The following HS3ST3A1 variants were observed in gnomAD, a reference collection of about 807,000 sequenced individuals.
HS3ST3A1 encodes heparan sulfate-glucosamine 3-sulfotransferase 3A1.
In HS3ST3A1, 19 loss-of-function variants were observed where a neutral mutation model predicts 25.7. The observed-to-expected ratio is 0.74, with a 90% CI of 0.52 to 1.08. The LOEUF (loss-of-function observed/expected upper bound fraction) is 1.08. Ranked by LOEUF, HS3ST3A1 falls within the 50% of genes least tolerant of loss-of-function variation. The pLI is 0.00. For synonymous variants in HS3ST3A1, 226 were observed against 278.6 expected (o/e 0.81, Z 1.88); for missense variants, 459 against 594.3 (o/e 0.77, Z 2.37).
In HS3ST3A1 at chr17:13,501,905, C is replaced by T. The variant is rs116570868; in HGVS notation, c.600-5087G>A. On this transcript the variant is annotated intron_variant, in intron 1 of 1. Coordinates refer to ENST00000284110, the MANE Select transcript of HS3ST3A1 (RefSeq NM_006042.3). ...ACAGTGAGGATGCCTGGTTTGAAGG[C>T]CATGAGCTGGCTACATTATTTGGAA... Among the ~76,000 whole-genome samples, 830 of 152,302 alleles carry T rather than the reference C, an allele frequency of 5.4e-3. 8 individuals carry two copies. The highest frequency in any genetic ancestry group is 0.019 in the African/African-American group (790 of 41,568).
intron 1 of HS3ST3A1, among the ~76,000 whole-genome samples, chr17:13,600,107 CTG>C (rs1402422272): frequency 2.0e-5 from 3 of 152,164 alleles, no homozygotes; most frequent in Non-Finnish European, 2.9e-5. Context: ...ATGGTAAAGA[CTG>C]TGTTAACCAC....
chr17:13,496,925 C>A, intron 1 of HS3ST3A1, 107 bp from the exon 2 acceptor site: 1 of 1,458,526 alleles, frequency 6.9e-7, no homozygotes, highest in Non-Finnish European at 9.2e-7. Flanking sequence ...CCCCCGCAAC[C>A]CCCCACTTGC....
chr17:13,513,469 A>G (rs1301781865), intron 1 of HS3ST3A1, among the ~76,000 whole-genome samples: 1 of 152,222 alleles, frequency 6.6e-6, no homozygotes, highest in Non-Finnish European at 1.5e-5. Context: ...ATTCCCAGAG[A>G]AGCACAAAAT....
intron 1 of HS3ST3A1, among the ~76,000 whole-genome samples, chr17:13,580,184 G>A (rs1908075186): frequency 6.6e-6 from 1 of 151,334 alleles, no homozygotes; most frequent in South Asian, 2.1e-4. Context: ...AAAAACCACA[G>A]GACTTAGAGG....
intron 1 of HS3ST3A1, among the ~76,000 whole-genome samples, chr17:13,520,200 A>T (rs1434580243): frequency 6.6e-6 from 1 of 152,184 alleles, no homozygotes; most frequent in Non-Finnish European, 1.5e-5. Flanking sequence ...TGTTATTGCT[A>T]TTGACACTCT....
chr17:13,582,890 C>T (rs969752255), intron 1 of HS3ST3A1, among the ~76,000 whole-genome samples: 1 of 152,146 alleles, frequency 6.6e-6, no homozygotes, highest in Non-Finnish European at 1.5e-5. Context: ...TGTAAGTAGC[C>T]TGCACAGTTC....
intron 1 of HS3ST3A1, among the ~76,000 whole-genome samples, chr17:13,579,543 A>C (rs1202294199): frequency 6.6e-6 from 1 of 151,114 alleles, no homozygotes; most frequent in African/African-American, 2.4e-5. Context: ...TCTACTAAAA[A>C]ATACAAAAAC....
intron 1 of HS3ST3A1, among the ~76,000 whole-genome samples, chr17:13,591,050 T>TTTC (rs1226269527): frequency 5.0e-5 from 7 of 140,988 alleles, no homozygotes; most frequent in African/African-American, 1.7e-4. Flanking sequence ...TTTCTTTTCT[T>TTTC]TTTTTTTTTT....
intron 1 of HS3ST3A1, among the ~76,000 whole-genome samples, chr17:13,498,957 T>TG (rs397711976): frequency 9.9e-5 from 15 of 151,272 alleles, no homozygotes; most frequent in African/African-American, 3.4e-4. Flanking sequence ...TTTTTTTTTT[T>TG]GGGTGGGGGG....
At chr17:13,528,655 AC>A (rs995009431) in intron 1 of HS3ST3A1, among the ~76,000 whole-genome samples, 15 of 152,086 alleles carry the variant, frequency 9.9e-5, no homozygotes, top group Non-Finnish European at 1.8e-4. Flanking sequence ...TTCCTGGAGA[AC>A]CCCCATGGTG....
At chr17:13,561,677 C>T (rs917369405) in intron 1 of HS3ST3A1, among the ~76,000 whole-genome samples, 5 of 152,232 alleles carry the variant, frequency 3.3e-5, no homozygotes, top group African/African-American at 1.2e-4. Context: ...CAGGGGTGAG[C>T]CACTGGACCT....
intron 1 of HS3ST3A1, among the ~76,000 whole-genome samples, chr17:13,512,324 A>AG (rs1188480832): frequency 6.6e-6 from 1 of 150,526 alleles, no homozygotes; most frequent in African/African-American, 2.5e-5. Flanking sequence ...AAAAAAAAAA[A>AG]AAACTGCATG....
At chr17:13,519,275 C>T (rs892650865) in intron 1 of HS3ST3A1, among the ~76,000 whole-genome samples, 2 of 152,232 alleles carry the variant, frequency 1.3e-5, no homozygotes, top group African/African-American at 4.8e-5. Context: ...TGAATGGTTA[C>T]AGAACTAACG....
At chr17:13,506,288 C>T (rs1275631433) in intron 1 of HS3ST3A1, among the ~76,000 whole-genome samples, 1 of 152,102 alleles carries the variant, frequency 6.6e-6, no homozygotes, top group Non-Finnish European at 1.5e-5. Context: ...TTGGGCAAAT[C>T]ACTTTCGTTC....
rs577424949 is a variant in HS3ST3A1, at chr17:13,585,910, C to T, written c.599+14621G>A. On this transcript the variant is annotated intron_variant, in intron 1 of 1. Transcript: ENST00000284110. ...TGTCGCCCAGGCTGGAGTACAGTGG[C>T]GCAATCTCGGCTCACTGCAACCTCT... 7.7e-4 allele frequency among the ~76,000 whole-genome samples: 103 copies of T among 133,136 alleles called. 1 individual carries two copies. Among genetic ancestry groups the T allele is most frequent in the African/African-American group, 2.5e-3 (86 of 34,452 alleles). 87.3% of individuals were successfully genotyped at this position (133,136 alleles called of 152,430 possible).
At chr17:13,533,232 G>T (rs1252884919) in intron 1 of HS3ST3A1, among the ~76,000 whole-genome samples, 1 of 152,094 alleles carries the variant, frequency 6.6e-6, no homozygotes, top group African/African-American at 2.4e-5. Flanking sequence ...GGCATGCACT[G>T]CTGAATAGTA....
At chr17:13,512,155 CG>C (rs1213560636) in intron 1 of HS3ST3A1, among the ~76,000 whole-genome samples, 1 of 151,750 alleles carries the variant, frequency 6.6e-6, no homozygotes, top group Non-Finnish European at 1.5e-5. Flanking sequence ...AAAAATTAGC[CG>C]GGCGCGGTGG....
intron 1 of HS3ST3A1, among the ~76,000 whole-genome samples, chr17:13,565,310 G>A (rs1326191190): frequency 6.6e-6 from 1 of 152,128 alleles, no homozygotes; most frequent in Admixed American, 6.5e-5. Context: ...GGCCAAGGCA[G>A]GCAGATCACC....
rs958583882 is a variant in HS3ST3A1 at position 13,506,901 on chromosome 17, CAAAA to C, written c.600-10087_600-10084del. The stretch of plus-strand genomic sequence containing the variant: ...CTGTAACCCTGTCTCTACTAAAATA[CAAAA>C]AAAAAAAAAAAAAATTAGCCAGGCC... On this transcript the variant is annotated intron_variant, in intron 1 of 1. Transcript: ENST00000284110. 1.6e-4 allele frequency among the ~76,000 whole-genome samples: 16 copies of C among 101,240 alleles called. No individual in the cohort carries two copies. In the Admixed American group the frequency reaches 1.6e-3, roughly 10 times the overall value. The allele number at this position is 101,240 out of a possible 152,430, so 66.4% of individuals were successfully genotyped here. A position where few individuals can be genotyped will look rare whatever the true frequency, so the allele number is the denominator to read the frequency against.
Sources: gnomAD v4.1 joint callset for allele counts (sites outside exome capture counted in the v4.1 genomes callset) on GRCh38, gnomAD v4.1.1 for gene constraint, MANE v1.5 for transcripts, NCBI Gene and HGNC (gene_info 2026-07-23, HGNC 2026-07-21) for gene names.